Variants in CD101 observed in about 807,000 individuals in gnomAD.
The protein encoded by CD101 is CD101 molecule, also known as immunoglobulin superfamily member 2.
A neutral mutation model predicts 98.2 loss-of-function variants in CD101; 76 were observed. That is an observed-to-expected ratio of 0.77 (90% CI 0.64 to 0.94). The LOEUF is 0.94. CD101 is among the 40% of genes least tolerant of loss of function. The pLI is 0.00. For missense variants in CD101, 1,145 were observed against 1,218.8 expected (o/e 0.94, Z 0.90); for synonymous variants, 471 against 472.7 (o/e 1.00, Z 0.05).
intron 8 of CD101, among the ~76,000 whole-genome samples, chr1:117,029,449 G>A (rs1242948434): frequency 1.3e-5 from 2 of 152,140 alleles, no homozygotes; most frequent in Non-Finnish European, 2.9e-5. Flanking sequence ...TCTTTCCCTG[G>A]TCAACACTCT....
At chr1:117,020,414 T>TGC (rs1653509661) in intron 6 of CD101, among the ~76,000 whole-genome samples, 1 of 152,088 alleles carries the variant, frequency 6.6e-6, no homozygotes, top group African/African-American at 2.4e-5. Context: ...CATGGTGGCG[T>TGC]GCACCTGTAG....
At chr1:117,030,348 T>C (rs1261486291) in intron 8 of CD101, among the ~76,000 whole-genome samples, 1 of 150,022 alleles carries the variant, frequency 6.7e-6, no homozygotes, top group Non-Finnish European at 1.5e-5. Context: ...GCCACTTTGC[T>C]CCAGTCTGGA....
At chr1:117,024,042 T>C (rs917956746) in intron 7 of CD101, among the ~76,000 whole-genome samples, 4 of 152,172 alleles carry the variant, frequency 2.6e-5, no homozygotes, top group African/African-American at 9.7e-5. Flanking sequence ...AAGTAGGAAG[T>C]AATTTGAGAC....
In CD101 at chr1:117,009,896, A is replaced by G. The variant is rs754384066; in HGVS notation, c.90A>G (p.Pro30=). ...GQREVTVQKG[P]LFRAEGYPVS... is the part of the protein sequence containing the mutation. ...GAGAAGTAACAGTTCAGAAAGGACC[A>G]CTGTTTAGAGCTGAAGGTTACCCAG... Residue 30 remains proline, a synonymous_variant, in exon 2 of 10, where the codon CCA becomes CCG. Transcript: ENST00000682167. 3 of 1,613,268 alleles carry G rather than the reference A, an allele frequency of 1.9e-6. No homozygotes were observed. The highest frequency in any genetic ancestry group is 2.5e-6 in the Non-Finnish European group (3 of 1,179,648).
chr1:117,009,030 C>G (rs1212091345), intron 1 of CD101, among the ~76,000 whole-genome samples: 1 of 152,188 alleles, frequency 6.6e-6, no homozygotes, highest in Non-Finnish European at 1.5e-5. Flanking sequence ...CTGAAAAATG[C>G]TTGATTTAAA....
chr1:117,011,746 G>T lies in CD101; in HGVS notation c.621G>T (p.Leu207Phe). ...TTTCTCTCTCCAAAGATTTTATATTGGTCCCTGGGCCCTTGTATACAGAGC... is the reference window on the plus strand; with the variant it reads ...TTTCTCTCTCCAAAGATTTTATATTTGTCCCTGGGCCCTTGTATACAGAGC... ...EIISLSKDFI[L>F]VPGPLYTERF... The change falls in exon 3 of 10, where the codon TTG becomes TTT. Residue 207 changes from leucine to phenylalanine, a missense_variant. Physicochemically the swap from Leu to Phe is conservative, Grantham distance 22 (BLOSUM62 0). Coordinates refer to ENST00000682167, the MANE Select transcript of CD101 (RefSeq NM_001256106.3). The T allele has an allele frequency of 6.2e-7, 1 of 1,614,022 alleles. No homozygotes were observed. Among genetic ancestry groups the T allele is most frequent in the Non-Finnish European group, 8.5e-7 (1 of 1,180,016 alleles).
chr1:117,020,949 A>G (rs970309854), intron 6 of CD101, among the ~76,000 whole-genome samples: 2 of 152,234 alleles, frequency 1.3e-5, no homozygotes, highest in African/African-American at 4.8e-5. Flanking sequence ...AAAGCAGAAA[A>G]GCTGCTGGGG....
At chr1:117,029,851 C>T (rs1479569370) in intron 8 of CD101, among the ~76,000 whole-genome samples, 1 of 152,202 alleles carries the variant, frequency 6.6e-6, no homozygotes, top group Non-Finnish European at 1.5e-5. Context: ...AGTTAAGAGA[C>T]ATTTTCTCGG....
At position 117,025,866 on chromosome 1, in the gene CD101, A is replaced by T; in HGVS notation, c.2786A>T (p.Asp929Val). The change falls in exon 8 of 10, where the codon GAT (aspartate) becomes GTT (valine). Residue 929 changes from aspartate to valine, a missense_variant. Asp to Val is a radical substitution (Grantham distance 152). Transcript: ENST00000682167. ...HPSKWINQAS[D>V]ESQRMVLTVL... ...AGCAAGTGGATTAATCAAGCATCCG[A>T]TGAGTCACAGCGGATGGTGCTCACG... 1 of 1,613,876 alleles carries T rather than the reference A, an allele frequency of 6.2e-7. No homozygotes were observed. Among genetic ancestry groups the T allele is most frequent in the South Asian group, 1.1e-5 (1 of 91,068 alleles).
At chr1:117,030,462 GA>G (rs113472627) in intron 8 of CD101, among the ~76,000 whole-genome samples, 1,756 of 151,282 alleles carry the variant, frequency 0.012, 45 homozygotes, top group African/African-American at 0.04. Flanking sequence ...AGAAAAGAAA[GA>G]AAAAAAGAGA....
At chr1:117,008,958 C>T (rs1652710969) in intron 1 of CD101, among the ~76,000 whole-genome samples, 1 of 152,110 alleles carries the variant, frequency 6.6e-6, no homozygotes, top group South Asian at 2.1e-4. Flanking sequence ...GTTCTTTCTG[C>T]AACACAAAAT....
rs150866268 is a variant in CD101 at position 117,021,703 on chromosome 1, T to C, written c.2148T>C (p.Ser716=). Reference sequence around the variant, plus strand: ...AGTTAGCCATTATTTGGTATTTTTCTCCTGTTTCCACTAATGCCTCTTGGC... The same window carrying C: ...AGTTAGCCATTATTTGGTATTTTTCCCCTGTTTCCACTAATGCCTCTTGGC... ...NLQLAIIWYF[S]PVSTNASWLK... is the part of the protein sequence containing the mutation. The change falls in exon 7 of 10, where the codon TCT becomes TCC. Residue 716 remains serine (S), a synonymous_variant. Coordinates refer to ENST00000682167, the MANE Select transcript of CD101 (RefSeq NM_001256106.3). The surrounding 1 kb of genome is among the most constrained non-coding windows in gnomAD (Gnocchi z 4.7). The C allele has an allele frequency of 4.5e-5, 72 of 1,614,210 alleles. 1 individual carries two copies. In the African/African-American group the frequency reaches 7.6e-4, roughly 17 times the overall value.
In CD101 at chr1:117,034,132, A is replaced by G; in HGVS notation, c.*31A>G. 1.2e-6 allele frequency: 2 copies of G among 1,611,278 alleles called. No individual in the cohort carries two copies. The highest frequency in any genetic ancestry group is 1.7e-6 in the Non-Finnish European group (2 of 1,179,090). ...AAGAGGCACCTGCAGCCAGGAAGGAAAGGTGGGGGCTTTTTAATTGGGCTA... is the reference window on the plus strand; with the variant it reads ...AAGAGGCACCTGCAGCCAGGAAGGAGAGGTGGGGGCTTTTTAATTGGGCTA... On this transcript the variant is annotated splice_region_variant and 3_prime_UTR_variant, in exon 9 of 10. Transcript: ENST00000682167.
At chr1:117,020,943 C>G (rs2101136392) in intron 6 of CD101, among the ~76,000 whole-genome samples, 1 of 152,308 alleles carries the variant, frequency 6.6e-6, no homozygotes, top group South Asian at 2.1e-4. Context: ...TCTGACAAAG[C>G]AGAAAAGCTG....
intron 1 of CD101, 137 bp downstream of exon 1, chr1:117,001,997 C>A: frequency 1.3e-6 from 1 of 798,612 alleles, no homozygotes; most frequent in Non-Finnish European, 2.0e-6. Context: ...TAATTTTTGA[C>A]TTACTAATGA....
chr1:117,036,488 T>C lies in CD101; in HGVS notation c.*354T>C, dbSNP rs150174445. ...TTCAGAGACACCGCTTTGGAGAGTA[T>C]TCCCAGCGCTCTCCTTGCTTGTGAC... On this transcript the variant is annotated 3_prime_UTR_variant, in exon 10 of 10. Transcript: ENST00000682167. The surrounding 1 kb of genome is among the most constrained non-coding windows in gnomAD (Gnocchi z 5.0). The C allele has an allele frequency of 2.0e-5, 3 of 151,950 alleles. No homozygotes were observed. Among genetic ancestry groups the C allele is most frequent in the Non-Finnish European group, 4.4e-5 (3 of 68,044 alleles). The allele number at this position is 151,950 out of a possible 1,614,324, so 9.4% of individuals were successfully genotyped here.
chr1:117,031,728 T>A (rs1654479051), intron 8 of CD101, among the ~76,000 whole-genome samples: 3 of 152,226 alleles, frequency 2.0e-5, no homozygotes, highest in Admixed American at 2.0e-4. Flanking sequence ...TTATACATTA[T>A]CTCATCACAA....
Position 117,021,937 on chromosome 1 carries a change from T to A in CD101, c.2382T>A (p.Leu794=). The change falls in exon 7 of 10, where the codon CTT becomes CTA. Residue 794 remains leucine (L), a synonymous_variant. Coordinates refer to ENST00000682167, the MANE Select transcript of CD101 (RefSeq NM_001256106.3). This position sits in a 1 kb window ranked among gnomAD's most constrained non-coding sequence, Gnocchi z 4.7. ...CTACAAATGGCACTTGGCACAAGCT[T>A]GGAGAAAAGAAGTCAGGACTAACAG... The part of the protein sequence containing the change: ...LLSTNGTWHK[L]GEKKSGLTEL... The A allele has an allele frequency of 6.2e-7, 1 of 1,613,228 alleles. No homozygotes were observed. The highest frequency in any genetic ancestry group is 8.5e-7 in the Non-Finnish European group (1 of 1,179,732).
At position 117,019,458 on chromosome 1, in the gene CD101, G is replaced by A. The variant is rs1653439172; in HGVS notation, c.2017+898G>A. On this transcript the variant is annotated intron_variant, in intron 6 of 9. Coordinates refer to ENST00000682167, the MANE Select transcript of CD101 (RefSeq NM_001256106.3). This position sits in a 1 kb window ranked among gnomAD's most constrained non-coding sequence, Gnocchi z 4.3. ...TGCTTAATTAATTTGTCCTCTCTGT[G>A]GTATTTGCAATTGCTGCCCCAATCT... Among the ~76,000 whole-genome samples, 1 of 151,924 alleles carries A rather than the reference G, an allele frequency of 6.6e-6. No homozygotes were observed. The highest frequency in any genetic ancestry group is 1.5e-5 in the Non-Finnish European group (1 of 67,984).
Sources: allele counts gnomAD v4.1 joint callset (sites outside exome capture counted in the v4.1 genomes callset), GRCh38; gene constraint gnomAD v4.1.1; non-coding constraint Gnocchi (gnomAD v3.1); transcripts MANE v1.5; gene names NCBI Gene and HGNC (gene_info 2026-07-23, HGNC 2026-07-21).